TXNRD2: variants seen among roughly 807,000 people sequenced by gnomAD.
TXNRD2 encodes the protein thioredoxin reductase 2.
In TXNRD2, 67 loss-of-function variants were observed where a neutral mutation model predicts 70.8. The ratio of observed to expected loss-of-function variants is 0.95; its 90% CI spans 0.78 to 1.16. TXNRD2 has a LOEUF of 1.16. TXNRD2 is among the 50% of genes most tolerant of loss of function. TXNRD2 has a pLI of 0.00. For synonymous variants in TXNRD2, 301 were observed against 295.8 expected, an observed-to-expected ratio of 1.02 and a Z score of -0.18; for missense variants, 644 against 719.9, an observed-to-expected ratio of 0.89 and a Z score of 1.21.
Position 19,895,714 on chromosome 22 carries a change from C to A in TXNRD2, c.775-133G>T, listed in dbSNP as rs1601410526. ...GCGGAAGACGGGGTGAGACACCCTGCCCCCTGCTCTACGTCCTCTTGCTCT... is the reference window on the plus strand; with the variant it reads ...GCGGAAGACGGGGTGAGACACCCTGACCCCTGCTCTACGTCCTCTTGCTCT... On this transcript the variant is annotated intron_variant, in intron 10 of 17. Transcript: ENST00000400521. 8.1e-6 allele frequency: 8 copies of A among 993,092 alleles called. No individual in the cohort carries two copies. The East Asian group carries it at 2.1e-4, about 26-fold the overall frequency. 61.5% of individuals were successfully genotyped at this position (993,092 alleles called of 1,614,324 possible). A position where few individuals can be genotyped will look rare whatever the true frequency, so the allele number is the denominator to read the frequency against.
rs7285323 is a variant in TXNRD2, at chr22:19,917,085, C to T, written c.449+1058G>A. On this transcript the variant is annotated intron_variant, in intron 5 of 17. Coordinates refer to ENST00000400521, the MANE Select transcript of TXNRD2 (RefSeq NM_006440.5). Reference sequence around the variant, plus strand: ...CACCTCGACAGCCAGGAAGCTGCCACGGGACACAGCCGGGCAATGCTCATG... The same window carrying T: ...CACCTCGACAGCCAGGAAGCTGCCATGGGACACAGCCGGGCAATGCTCATG... Among the ~76,000 whole-genome samples the T allele has an allele frequency of 4.9e-3, 744 of 152,314 alleles. 6 individuals carry two copies. Among genetic ancestry groups the T allele is most frequent in the African/African-American group, 0.017 (715 of 41,574 alleles).
chr22:19,931,055 A>G lies in TXNRD2; in HGVS notation c.147T>C (p.Ser49=). The change falls in exon 2 of 18, where the codon TCT becomes TCC. Residue 49 remains serine (S), a synonymous_variant. Transcript: ENST00000400521. The part of the protein sequence containing the change: ...DYDLLVVGGG[S]GGLACAKEAA... Reference sequence around the variant, plus strand: ...CCTCCTTGGCACAAGCCAGGCCACCAGATCCCCCGCCGACCACCAGGAGAT... The same window carrying G: ...CCTCCTTGGCACAAGCCAGGCCACCGGATCCCCCGCCGACCACCAGGAGAT... The G allele has an allele frequency of 6.2e-7, 1 of 1,613,730 alleles. No individual in the cohort carries two copies. The highest frequency in any genetic ancestry group is 2.2e-5 in the East Asian group (1 of 44,876).
chr22:19,883,595 T>C lies in TXNRD2; in HGVS notation c.950-134A>G, dbSNP rs1938888869. ...GCTCCTGCCTGTAATCCCAGCACTG[T>C]AGGAGGACGAGGTGGGCAAATCACC... On this transcript the variant is annotated intron_variant, in intron 11 of 17. Coordinates refer to ENST00000400521, the MANE Select transcript of TXNRD2 (RefSeq NM_006440.5). 3.8e-5 allele frequency: 50 copies of C among 1,306,346 alleles called. 1 individual carries two copies. The South Asian group carries it at 5.8e-4, about 15-fold the overall frequency. The allele number at this position is 1,306,346 out of a possible 1,614,324, so 80.9% of individuals were successfully genotyped here. A position where few individuals can be genotyped will look rare whatever the true frequency, so the allele number is the denominator to read the frequency against.
intron 11 of TXNRD2, among the ~76,000 whole-genome samples, chr22:19,884,971 G>A (rs140352455): frequency 2.0e-4 from 30 of 152,292 alleles, no homozygotes; most frequent in Non-Finnish European, 3.5e-4. Context: ...CCCATTCTAG[G>A]GGGCAGCTGG....
rs150928773 is a variant in TXNRD2 at position 19,906,554 on chromosome 22, C to A, written c.662+4823G>T. Among the ~76,000 whole-genome samples, 582 of 152,110 alleles carry A rather than the reference C, an allele frequency of 3.8e-3. 3 individuals are homozygous for A. Among genetic ancestry groups the A allele is most frequent in the African/African-American group, 0.013 (547 of 41,500 alleles). On this transcript the variant is annotated intron_variant, in intron 8 of 17. Transcript: ENST00000400521. ...GGAGAATTGCTTGAATCCAGGAGAT[C>A]AAGGCTGCAGCGAGCCATGATCGCA...
chr22:19,880,302 C>T, intron 13 of TXNRD2, 31 bp from the exon 14 acceptor site: 2 of 1,609,056 alleles, frequency 1.2e-6, no homozygotes, highest in Non-Finnish European at 8.5e-7. Flanking sequence ...AGGGAGGGCC[C>T]TTGGGCCCCG....
At chr22:19,882,480 TGA>T (rs922742235) in intron 12 of TXNRD2, among the ~76,000 whole-genome samples, 31 of 152,224 alleles carry the variant, frequency 2.0e-4, no homozygotes, top group Middle Eastern at 3.4e-3. Context: ...ATTACAAGCA[TGA>T]GACACTGCAC....
rs1360401688 is a variant in TXNRD2 at position 19,918,990 on chromosome 22, G to A, written c.244C>T (p.Leu82Phe). Residue 82 changes from leucine to phenylalanine, a missense_variant, in exon 4 of 18, where the codon CTC becomes TTC. Physicochemically the swap from Leu to Phe is conservative, Grantham distance 22. Transcript: ENST00000400521. ...EPSPQGTRWG[L>F]GGTCVNVGCI... ...CCCACGTTGACGCAGGTGCCGCCGA[G>A]GCCCCACCGGGTGCCTGGGACGTGG... is the stretch of plus-strand genomic sequence containing the variant. 6.2e-7 allele frequency: 1 copy of A among 1,610,514 alleles called. No homozygotes were observed. Among genetic ancestry groups the A allele is most frequent in the Non-Finnish European group, 8.5e-7 (1 of 1,179,784 alleles).
At chr22:19,937,040 G>A (rs773495756) in intron 1 of TXNRD2, among the ~76,000 whole-genome samples, 1 of 152,038 alleles carries the variant, frequency 6.6e-6, no homozygotes, top group East Asian at 1.9e-4. Flanking sequence ...ATGTTAAAAC[G>A]GTATTACAGA....
intron 1 of TXNRD2, 79 bp from the exon 2 acceptor site, chr22:19,931,177 C>A: frequency 7.5e-7 from 1 of 1,329,210 alleles, no homozygotes; most frequent in Non-Finnish European, 1.1e-6. Context: ...CAGGATTGGA[C>A]ACTCCATTCT....
intron 2 of TXNRD2, among the ~76,000 whole-genome samples, chr22:19,924,414 G>A (rs1362544519): frequency 6.6e-6 from 1 of 152,108 alleles, no homozygotes; most frequent in Non-Finnish European, 1.5e-5. Context: ...TCTTCACCTG[G>A]CCTTTCACAC....
chr22:19,910,193 C>T (rs180849645), intron 8 of TXNRD2, among the ~76,000 whole-genome samples: 34 of 152,352 alleles, frequency 2.2e-4, no homozygotes, highest in African/African-American at 7.7e-4. Context: ...CCTGGGACCT[C>T]GGGATGGCCC....
chr22:19,888,934 A>C (rs1939146585), intron 11 of TXNRD2, among the ~76,000 whole-genome samples: 1 of 141,806 alleles, frequency 7.1e-6, no homozygotes. Flanking sequence ...CCGGGCCCCT[A>C]CCCGCAGCTA....
intron 11 of TXNRD2, chr22:19,895,135 A>G: frequency 6.3e-7 from 1 of 1,598,450 alleles, no homozygotes; most frequent in Non-Finnish European, 8.5e-7. Context: ...ATGCCGTCTC[A>G]GTCTCTTCTC....
intron 2 of TXNRD2, among the ~76,000 whole-genome samples, chr22:19,928,639 A>C (rs1941242979): frequency 6.6e-6 from 1 of 152,230 alleles, no homozygotes; most frequent in African/African-American, 2.4e-5. Context: ...ATATCCCCTC[A>C]AAATCCCTAT....
At chr22:19,878,224 G>C in intron 15 of TXNRD2, 37 bp from the exon 16 acceptor site, 6 of 1,605,486 alleles carry the variant, frequency 3.7e-6, no homozygotes, top group South Asian at 3.3e-5. Flanking sequence ...GCCCAGGAGG[G>C]GGCTGGGTTG....
intron 8 of TXNRD2, among the ~76,000 whole-genome samples, chr22:19,907,163 GGA>G (rs1352501257): frequency 2.8e-5 from 3 of 106,496 alleles, no homozygotes; most frequent in Non-Finnish European, 3.8e-5. Context: ...ACCGCTCTCA[GGA>G]GAGTGTGGGC....
At chr22:19,893,282 G>A (rs1424854824) in intron 11 of TXNRD2, among the ~76,000 whole-genome samples, 1 of 152,236 alleles carries the variant, frequency 6.6e-6, no homozygotes, top group Non-Finnish European at 1.5e-5. Flanking sequence ...CAACGGACCA[G>A]GCTCAGCACA....
Position 19,895,469 on chromosome 22 carries a change from C to T in TXNRD2, c.887G>A (p.Trp296Ter). The T allele has an allele frequency of 6.2e-7, 1 of 1,613,980 alleles. No homozygotes were observed. Among genetic ancestry groups the T allele is most frequent in the Middle Eastern group, 1.6e-4 (1 of 6,062 alleles). ...CTCCTTGCCGGTGGTGCTGTCCTCC[C>T]AGGTGACCTGCAGCTGGCCATCAGG... is the stretch of plus-strand genomic sequence containing the variant. ...RLPDGQLQVT[W>*]EDSTTGKEDT... The change falls in exon 11 of 18, where the codon TGG becomes TAG. Residue 296 changes from tryptophan (W) to a stop codon, truncating the protein, a stop_gained. Coordinates refer to ENST00000400521, the MANE Select transcript of TXNRD2 (RefSeq NM_006440.5). LOFTEE classifies it high-confidence loss of function.
Sources: gnomAD v4.1 joint callset for allele counts (sites outside exome capture counted in the v4.1 genomes callset) on GRCh38, gnomAD v4.1.1 for gene constraint, MANE v1.5 for transcripts, NCBI Gene and HGNC (gene_info 2026-07-23, HGNC 2026-07-21) for gene names.